Variants in CCDC150 observed in about 807,000 individuals in gnomAD.
CCDC150 encodes the protein coiled-coil domain containing 150, also known as coiled-coil domain-containing protein 150.
In CCDC150, 151 loss-of-function variants were observed where a neutral mutation model predicts 156.5. The observed-to-expected ratio is 0.97, with a 90% CI of 0.85 to 1.10. The LOEUF (loss-of-function observed/expected upper bound fraction) is 1.10. Ranked by LOEUF, CCDC150 falls within the 50% of genes least tolerant of loss-of-function variation. The pLI is 0.00. For missense variants in CCDC150, 1,312 were observed against 1,268.1 expected, an observed-to-expected ratio of 1.03 and a Z score of -0.53; for synonymous variants, 452 against 429.4, an observed-to-expected ratio of 1.05 and a Z score of -0.65.
intron 19 of CCDC150, 72 bp from the exon 20 acceptor site, chr2:196,720,503 G>C: frequency 8.0e-7 from 1 of 1,250,096 alleles, no homozygotes; most frequent in Non-Finnish European, 1.1e-6. Context: ...AAAGTGTTCT[G>C]TAACTCCCAA....
intron 14 of CCDC150, among the ~76,000 whole-genome samples, chr2:196,698,285 T>G (rs1270765129): frequency 6.6e-6 from 1 of 152,208 alleles, no homozygotes; most frequent in African/African-American, 2.4e-5. Flanking sequence ...AAGTGAGCCT[T>G]TGTCAAATAT....
chr2:196,644,922 C>T (rs1692441153), intron 1 of CCDC150, among the ~76,000 whole-genome samples: 3 of 150,464 alleles, frequency 2.0e-5, no homozygotes, highest in Non-Finnish European at 4.4e-5. Context: ...TGAGACCAGC[C>T]TGGCCAACAT....
intron 15 of CCDC150, among the ~76,000 whole-genome samples, chr2:196,708,807 T>G (rs915181894): frequency 6.6e-6 from 1 of 152,240 alleles, no homozygotes; most frequent in South Asian, 2.1e-4. Context: ...TTGAAAATTC[T>G]TTTCTTTAAG....
chr2:196,658,748 T>G, intron 4 of CCDC150, 44 bp from the exon 5 acceptor site: 1 of 1,437,152 alleles, frequency 7.0e-7, no homozygotes. Flanking sequence ...AATTTCTTCC[T>G]GTCATTTCAG....
At chr2:196,648,549 T>C (rs1000994649) in intron 2 of CCDC150, among the ~76,000 whole-genome samples, 4 of 152,236 alleles carry the variant, frequency 2.6e-5, no homozygotes, top group African/African-American at 9.6e-5. Flanking sequence ...CTTTATCAGA[T>C]GTATGATTTG....
intron 26 of CCDC150, 27 bp from the exon 27 acceptor site, chr2:196,732,006 T>C: frequency 6.2e-7 from 1 of 1,607,304 alleles, no homozygotes; most frequent in East Asian, 2.2e-5. Context: ...TCTTTGTGTC[T>C]TTTAATGGTG....
chr2:196,699,989 A>G (rs1029726752), intron 14 of CCDC150, among the ~76,000 whole-genome samples: 1 of 152,242 alleles, frequency 6.6e-6, no homozygotes, highest in African/African-American at 2.4e-5. Context: ...AGCTGTAATC[A>G]TGTTGGAGAT....
At chr2:196,689,952 T>G (rs534494334) in intron 13 of CCDC150, among the ~76,000 whole-genome samples, 2 of 152,306 alleles carry the variant, frequency 1.3e-5, no homozygotes, top group South Asian at 4.1e-4. Flanking sequence ...GTTTTTAGCA[T>G]GAAGGGTTGT....
intron 26 of CCDC150, among the ~76,000 whole-genome samples, 163 bp from the exon 27 acceptor site, chr2:196,731,870 C>A (rs968148756): frequency 6.6e-6 from 1 of 152,138 alleles, no homozygotes. Flanking sequence ...AGAAATTACT[C>A]GCATGTATAG....
At chr2:196,664,729 A>G (rs760848787) in intron 5 of CCDC150, among the ~76,000 whole-genome samples, 2 of 152,096 alleles carry the variant, frequency 1.3e-5, no homozygotes, top group Non-Finnish European at 2.9e-5. Flanking sequence ...TCATGCCTTG[A>G]TCTTTCTGGG....
intron 13 of CCDC150, among the ~76,000 whole-genome samples, chr2:196,691,657 C>T (rs1356923103): frequency 2.6e-5 from 4 of 151,476 alleles, no homozygotes; most frequent in African/African-American, 9.7e-5. Flanking sequence ...TAAAACAGCT[C>T]CCGGGCTGGA....
chr2:196,683,042 C>T (rs1694935410), intron 13 of CCDC150, among the ~76,000 whole-genome samples: 1 of 152,038 alleles, frequency 6.6e-6, no homozygotes, highest in African/African-American at 2.4e-5. Context: ...CTGATAGAAT[C>T]TCCAGTGCAG....
intron 13 of CCDC150, among the ~76,000 whole-genome samples, chr2:196,682,144 G>A (rs1435617051): frequency 2.0e-5 from 3 of 151,946 alleles, no homozygotes; most frequent in African/African-American, 7.2e-5. Flanking sequence ...GTGCTATGAG[G>A]TAAGGGTTTG....
chr2:196,730,852 T>G lies in CCDC150; in HGVS notation c.2983-7T>G. 1 of 1,582,766 alleles carries G rather than the reference T, an allele frequency of 6.3e-7. No individual in the cohort carries two copies. Among genetic ancestry groups the G allele is most frequent in the Non-Finnish European group, 8.6e-7 (1 of 1,163,514 alleles). On this transcript the variant is annotated splice_region_variant and splice_polypyrimidine_tract_variant and intron_variant, in intron 25 of 27. Coordinates refer to ENST00000389175, the MANE Select transcript of CCDC150 (RefSeq NM_001080539.2). ...AGTTTATAAAAATCTTTGTATCACA[T>G]TTTCAGGAATTGGAAGAAACTGTCA...
chr2:196,707,466 G>C (rs1467134411), intron 15 of CCDC150, among the ~76,000 whole-genome samples: 1 of 151,998 alleles, frequency 6.6e-6, no homozygotes, highest in Non-Finnish European at 1.5e-5. Flanking sequence ...CCGTCTCCTG[G>C]ATTCCTTGAT....
At chr2:196,710,321 A>G (rs1469095678) in intron 15 of CCDC150, among the ~76,000 whole-genome samples, 1 of 152,256 alleles carries the variant, frequency 6.6e-6, no homozygotes, top group East Asian at 1.9e-4. Context: ...GCAGGATATA[A>G]TCTCCTGGTG....
chr2:196,730,508 A>G (rs1391313218), intron 25 of CCDC150, among the ~76,000 whole-genome samples: 3 of 152,210 alleles, frequency 2.0e-5, no homozygotes, highest in South Asian at 2.1e-4. Flanking sequence ...AATAAAAAGC[A>G]TAACGTCTTA....
intron 26 of CCDC150, among the ~76,000 whole-genome samples, chr2:196,731,352 AAACTT>A (rs1195723581): frequency 6.6e-6 from 1 of 151,256 alleles, no homozygotes; most frequent in Non-Finnish European, 1.5e-5. Context: ...TCTCTATTCT[AAACTT>A]AAATTAGCCT....
At chr2:196,665,946 A>G (rs1471513816) in intron 6 of CCDC150, among the ~76,000 whole-genome samples, 3 of 152,184 alleles carry the variant, frequency 2.0e-5, no homozygotes, top group Non-Finnish European at 4.4e-5. Flanking sequence ...CAGGCTTTAT[A>G]GAGGTGAACT....
Sources: gnomAD v4.1 joint callset for allele counts (sites outside exome capture counted in the v4.1 genomes callset) on GRCh38, gnomAD v4.1.1 for gene constraint, MANE v1.5 for transcripts, NCBI Gene and HGNC (gene_info 2026-07-23, HGNC 2026-07-21) for gene names.